The following PDCD10 variants were observed in gnomAD, a reference collection of about 807,000 sequenced individuals.
PDCD10 encodes programmed cell death 10, also known as programmed cell death protein 10.
A neutral mutation model predicts 29.2 loss-of-function variants in PDCD10; 4 were observed. The observed-to-expected ratio is 0.14, with a 90% CI of 0.07 to 0.31. The LOEUF (loss-of-function observed/expected upper bound fraction) is 0.31, where lower values mean the gene tolerates loss of function less well. PDCD10 is among the 10% of genes least tolerant of loss of function. PDCD10 has a pLI of 1.00. For missense variants in PDCD10, 183 were observed against 257.9 expected, an observed-to-expected ratio of 0.71 and a Z score of 1.99; for synonymous variants, 70 against 82.2, an observed-to-expected ratio of 0.85 and a Z score of 0.80.
chr3:167,714,618 A>C (rs930171529), intron 3 of PDCD10, among the ~76,000 whole-genome samples: 1 of 152,058 alleles, frequency 6.6e-6, no homozygotes. Flanking sequence ...TCAACATATA[A>C]AAATCAGCAG....
chr3:167,707,453 C>T (rs114722861), intron 3 of PDCD10, among the ~76,000 whole-genome samples: 17 of 151,994 alleles, frequency 1.1e-4, no homozygotes, highest in South Asian at 2.1e-4. Flanking sequence ...CCTAAGCAGG[C>T]GGATCACAAA....
At position 167,734,270 on chromosome 3, in the gene PDCD10, T is replaced by C. The variant is rs548680912; in HGVS notation, c.-173A>G. 4.1e-4 allele frequency: 62 copies of C among 152,322 alleles called. No homozygotes were observed. The highest frequency in any genetic ancestry group is 7.6e-4 in the Non-Finnish European group (52 of 68,148). 9.4% of individuals were successfully genotyped at this position (152,322 alleles called of 1,614,324 possible). A position where few individuals can be genotyped will look rare whatever the true frequency, so the allele number is the denominator to read the frequency against. On this transcript the variant is annotated 5_prime_UTR_variant, in exon 2 of 9. Coordinates refer to ENST00000392750, the MANE Select transcript of PDCD10 (RefSeq NM_007217.4). ...TTCTGTTTAAGGCAAAATTATCTCC[T>C]TAGAGGGCCACATCATTAAACTGGA...
intron 6 of PDCD10, among the ~76,000 whole-genome samples, chr3:167,689,963 A>G (rs1415668040): frequency 6.6e-6 from 1 of 151,552 alleles, no homozygotes; most frequent in African/African-American, 2.5e-5. Flanking sequence ...AAGCTAAATT[A>G]TATTAGTAAC....
intron 6 of PDCD10, among the ~76,000 whole-genome samples, chr3:167,690,316 A>G (rs1720086161): frequency 6.6e-6 from 1 of 152,270 alleles, no homozygotes; most frequent in African/African-American, 2.4e-5. Context: ...ATACGCATTT[A>G]TGCAAATGCA....
chr3:167,731,161 G>A (rs1046199173), intron 2 of PDCD10, among the ~76,000 whole-genome samples: 1 of 152,046 alleles, frequency 6.6e-6, no homozygotes, highest in African/African-American at 2.4e-5. Context: ...CTATAAAACA[G>A]TATTAATACT....
At chr3:167,714,405 T>A (rs1559968132) in intron 3 of PDCD10, among the ~76,000 whole-genome samples, 1 of 151,948 alleles carries the variant, frequency 6.6e-6, no homozygotes, top group Non-Finnish European at 1.5e-5. Flanking sequence ...ATGCCCACTG[T>A]CACCGTTATT....
intron 2 of PDCD10, among the ~76,000 whole-genome samples, chr3:167,723,009 A>G (rs1723745622): frequency 5.3e-5 from 8 of 152,244 alleles, no homozygotes; most frequent in Admixed American, 5.2e-4. Context: ...TATGGCATAC[A>G]TGCCATCTTT....
intron 8 of PDCD10, among the ~76,000 whole-genome samples, chr3:167,685,397 A>G (rs1223208084): frequency 1.4e-5 from 1 of 69,894 alleles, no homozygotes; most frequent in Non-Finnish European, 2.8e-5. Flanking sequence ...CTCTGTCTCC[A>G]AAAAAAAAAA....
intron 6 of PDCD10, chr3:167,694,362 TC>T (rs1326531752): frequency 5.2e-6 from 1 of 194,106 alleles, no homozygotes; most frequent in Non-Finnish European, 1.1e-5. Context: ...AGACTGGGCT[TC>T]TTTCTCTCCT....
intron 3 of PDCD10, among the ~76,000 whole-genome samples, chr3:167,713,842 A>G (rs1191616796): frequency 1.3e-5 from 2 of 151,980 alleles, no homozygotes; most frequent in African/African-American, 4.8e-5. Context: ...ACTTATCAAG[A>G]CTGAATCAGG....
intron 4 of PDCD10, among the ~76,000 whole-genome samples, chr3:167,698,287 G>T (rs1026184892): frequency 3.9e-5 from 6 of 152,166 alleles, no homozygotes; most frequent in Non-Finnish European, 8.8e-5. Context: ...TTTGATAGAT[G>T]ATTAATAACA....
intron 3 of PDCD10, among the ~76,000 whole-genome samples, chr3:167,707,341 C>T (rs1209835849): frequency 2.0e-5 from 3 of 152,058 alleles, no homozygotes; most frequent in South Asian, 4.2e-4. Context: ...CAGCACTTTC[C>T]GAGCTTTAGG....
chr3:167,714,243 A>C (rs1421293281), intron 3 of PDCD10, among the ~76,000 whole-genome samples: 1 of 152,164 alleles, frequency 6.6e-6, no homozygotes, highest in Admixed American at 6.5e-5. Flanking sequence ...TATGCAAATC[A>C]ATCAATGTGA....
At chr3:167,690,785 A>G (rs1230817883) in intron 6 of PDCD10, among the ~76,000 whole-genome samples, 1 of 152,226 alleles carries the variant, frequency 6.6e-6, no homozygotes, top group Non-Finnish European at 1.5e-5. Flanking sequence ...CTTCATGTAC[A>G]TCATTTCTTT....
chr3:167,697,237 A>C (rs1375855949), intron 4 of PDCD10, 111 bp from the exon 5 acceptor site: 5 of 686,518 alleles, frequency 7.3e-6, no homozygotes, highest in Non-Finnish European at 1.3e-5. Flanking sequence ...ATAACTTTTA[A>C]GGGCAGAAAT....
intron 2 of PDCD10, among the ~76,000 whole-genome samples, chr3:167,722,493 T>C (rs1203466088): frequency 1.3e-5 from 2 of 152,198 alleles, no homozygotes; most frequent in Admixed American, 1.3e-4. Context: ...AAGTTTTAAG[T>C]GCTACTGAGT....
At chr3:167,733,195 G>A (rs188743489) in intron 2 of PDCD10, among the ~76,000 whole-genome samples, 1 of 152,216 alleles carries the variant, frequency 6.6e-6, no homozygotes, top group African/African-American at 2.4e-5. Context: ...ATATAAAACA[G>A]TAAGCTATGA....
At chr3:167,707,122 G>C (rs1722052235) in intron 3 of PDCD10, among the ~76,000 whole-genome samples, 1 of 152,198 alleles carries the variant, frequency 6.6e-6, no homozygotes, top group Non-Finnish European at 1.5e-5. Flanking sequence ...AAAGTGGAGT[G>C]ACTGCCATCA....
intron 4 of PDCD10, among the ~76,000 whole-genome samples, chr3:167,701,503 T>A (rs748371362): frequency 2.0e-4 from 30 of 152,312 alleles, no homozygotes; most frequent in Non-Finnish European, 3.8e-4. Context: ...CCTTTATTAT[T>A]ATTGTTGTTC....
Sources: gnomAD v4.1 joint callset for allele counts (sites outside exome capture counted in the v4.1 genomes callset) on GRCh38, gnomAD v4.1.1 for gene constraint, MANE v1.5 for transcripts, NCBI Gene and HGNC (gene_info 2026-07-23, HGNC 2026-07-21) for gene names.